Variants in PRKCE observed in about 807,000 individuals in gnomAD.
PRKCE encodes the protein protein kinase C epsilon type.
Under a neutral mutation model 85.4 loss-of-function variants are expected in PRKCE, and 16 were observed. That is an observed-to-expected ratio of 0.19 (90% CI 0.13 to 0.28). The LOEUF is 0.28. PRKCE is among the 10% of genes least tolerant of loss of function. PRKCE has a pLI of 1.00. For missense variants in PRKCE, 573 were observed against 975.2 expected (o/e 0.59, Z 5.49); for synonymous variants, 388 against 371.5 (o/e 1.04, Z -0.51).
intron 1 of PRKCE, among the ~76,000 whole-genome samples, chr2:45,711,653 G>T (rs902523186): frequency 6.6e-6 from 1 of 152,070 alleles, no homozygotes; most frequent in Admixed American, 6.5e-5. Flanking sequence ...TTTTTGAGAC[G>T]AGTCTTGCTC....
chr2:45,694,813 G>A (rs1220431436), intron 1 of PRKCE, among the ~76,000 whole-genome samples: 2 of 152,212 alleles, frequency 1.3e-5, no homozygotes, highest in Non-Finnish European at 2.9e-5. Flanking sequence ...TCTGGGGGTG[G>A]ATGGTAATCA....
At chr2:46,006,399 C>G (rs1020311500) in intron 8 of PRKCE, among the ~76,000 whole-genome samples, 2 of 152,114 alleles carry the variant, frequency 1.3e-5, no homozygotes, top group Non-Finnish European at 2.9e-5. Flanking sequence ...CAGCTTTCCC[C>G]GTCTTCACCC....
intron 2 of PRKCE, among the ~76,000 whole-genome samples, chr2:45,950,684 C>T (rs1372271124): frequency 6.6e-6 from 1 of 152,088 alleles, no homozygotes; most frequent in Non-Finnish European, 1.5e-5. Flanking sequence ...TTACTTCAAG[C>T]ACGCAGAGGG....
At chr2:45,659,471 G>A (rs745363837) in intron 1 of PRKCE, among the ~76,000 whole-genome samples, 5 of 152,114 alleles carry the variant, frequency 3.3e-5, no homozygotes, top group Non-Finnish European at 7.3e-5. Flanking sequence ...GCTTCCACCT[G>A]TCCTGGCTTC....
intron 2 of PRKCE, among the ~76,000 whole-genome samples, chr2:45,967,348 T>G (rs1428536841): frequency 6.6e-6 from 1 of 152,216 alleles, no homozygotes; most frequent in African/African-American, 2.4e-5. Context: ...CTGTCACTTC[T>G]GGTCCTTACA....
intron 2 of PRKCE, among the ~76,000 whole-genome samples, chr2:45,908,213 T>A (rs897339489): frequency 2.0e-5 from 3 of 152,164 alleles, no homozygotes; most frequent in African/African-American, 7.2e-5. Context: ...GTCTCATCAT[T>A]GGCCCTATGG....
chr2:46,184,836 G>A lies in PRKCE; in HGVS notation c.2169G>A (p.Glu723=). 1 of 1,599,778 alleles carries A rather than the reference G, an allele frequency of 6.3e-7. No individual in the cohort carries two copies. Among genetic ancestry groups the A allele is most frequent in the Non-Finnish European group, 8.5e-7 (1 of 1,179,962 alleles). The change falls in exon 15 of 15, where the codon GAG becomes GAA. Residue 723 remains glutamate, a synonymous_variant. Transcript: ENST00000306156. The surrounding 1 kb of genome is among the most constrained non-coding windows in gnomAD (Gnocchi z 5.0). ...DEAIVKQINQ[E]EFKGFSYFGE... ...CAATTGTAAAGCAGATCAACCAGGAGGAATTCAAAGGTTTCTCCTACTTTG... is the reference window on the plus strand; with the variant it reads ...CAATTGTAAAGCAGATCAACCAGGAAGAATTCAAAGGTTTCTCCTACTTTG...
At chr2:46,112,166 T>C (rs1338436801) in intron 11 of PRKCE, among the ~76,000 whole-genome samples, 1 of 152,238 alleles carries the variant, frequency 6.6e-6, no homozygotes, top group Non-Finnish European at 1.5e-5. Context: ...CTGATAATTT[T>C]CTTTGTTTTG....
intron 10 of PRKCE, among the ~76,000 whole-genome samples, chr2:46,027,203 C>T (rs1192088774): frequency 1.3e-5 from 2 of 152,052 alleles, no homozygotes; most frequent in African/African-American, 4.8e-5. Flanking sequence ...GGGATGGTGG[C>T]ACACACCTGT....
At chr2:46,131,770 C>T (rs1258097827) in intron 11 of PRKCE, among the ~76,000 whole-genome samples, 1 of 152,204 alleles carries the variant, frequency 6.6e-6, no homozygotes, top group East Asian at 1.9e-4. Flanking sequence ...TGAAAAAGGG[C>T]ATGTCTCCCA....
intron 1 of PRKCE, among the ~76,000 whole-genome samples, chr2:45,825,904 C>G (rs1342398732): frequency 6.6e-6 from 1 of 151,854 alleles, no homozygotes; most frequent in Non-Finnish European, 1.5e-5. Flanking sequence ...AAAAACATAC[C>G]CCACAGTGTA....
chr2:45,946,785 G>A (rs80097287), intron 2 of PRKCE, among the ~76,000 whole-genome samples: 2 of 152,226 alleles, frequency 1.3e-5, no homozygotes, highest in Non-Finnish European at 2.9e-5. Flanking sequence ...AAACATGGGT[G>A]TGACCATGTT....
At chr2:45,956,616 C>T (rs557597784) in intron 2 of PRKCE, among the ~76,000 whole-genome samples, 25 of 152,166 alleles carry the variant, frequency 1.6e-4, no homozygotes, top group African/African-American at 4.6e-4. Flanking sequence ...ACCCGGGAGG[C>T]GGAGGTTGCA....
intron 13 of PRKCE, 51 bp downstream of exon 13, chr2:46,151,280 TA>T: frequency 1.8e-6 from 1 of 557,922 alleles, no homozygotes; most frequent in Non-Finnish European, 2.9e-6. Flanking sequence ...CTCCTCCCCC[TA>T]CACACACACA....
rs773211026 is a variant in PRKCE, at chr2:45,652,054, C to T, written c.-47C>T. 6.9e-7 allele frequency: 1 copy of T among 1,447,346 alleles called. No individual in the cohort carries two copies. The highest frequency in any genetic ancestry group is 9.3e-7 in the Non-Finnish European group (1 of 1,070,036). 89.7% of individuals were successfully genotyped at this position (1,447,346 alleles called of 1,614,324 possible). ...CGGGCCGTCGGTTCTTCATTCCTGC[C>T]CTCGGGGCAGACGGAGTGACCCCGG... On this transcript the variant is annotated 5_prime_UTR_variant, in exon 1 of 15. Transcript: ENST00000306156. The surrounding 1 kb of genome is among the most constrained non-coding windows in gnomAD (Gnocchi z 7.7).
upstream of PRKCE, chr2:45,651,423 G>A (rs1276515174): frequency 1.3e-5 from 2 of 151,954 alleles, no homozygotes; most frequent in African/African-American, 4.8e-5. Context: ...CTCCGGCGCG[G>A]CGCTGCTTCG....
intron 1 of PRKCE, among the ~76,000 whole-genome samples, chr2:45,776,803 C>G (rs1685783841): frequency 6.6e-6 from 1 of 152,196 alleles, no homozygotes; most frequent in African/African-American, 2.4e-5. Flanking sequence ...AGCCTTTTGT[C>G]ATGTATGCCT....
At chr2:45,818,508 C>T (rs900179498) in intron 1 of PRKCE, among the ~76,000 whole-genome samples, 1 of 152,174 alleles carries the variant, frequency 6.6e-6, no homozygotes, top group African/African-American at 2.4e-5. Flanking sequence ...GGGCAAGTCT[C>T]TCAGAAACTG....
At chr2:45,893,353 CTTTTTT>C (rs61708342) in intron 2 of PRKCE, among the ~76,000 whole-genome samples, 12 of 136,424 alleles carry the variant, frequency 8.8e-5, no homozygotes, top group South Asian at 7.2e-4. Flanking sequence ...CTTTTCTTTT[CTTTTTT>C]TTTTTTTTTT....
Sources: gnomAD v4.1 joint callset for allele counts (sites outside exome capture counted in the v4.1 genomes callset) on GRCh38, gnomAD v4.1.1 for gene constraint, Gnocchi (gnomAD v3.1) non-coding constraint, MANE v1.5 for transcripts, NCBI Gene and HGNC (gene_info 2026-07-23, HGNC 2026-07-21) for gene names.